HLCS: variants seen among roughly 807,000 people sequenced by gnomAD.
HLCS encodes the protein holocarboxylase synthetase, also known as biotin--protein ligase.
Under a neutral mutation model 75.0 loss-of-function variants are expected in HLCS, and 53 were observed. The ratio of observed to expected loss-of-function variants is 0.71; its 90% CI spans 0.57 to 0.89. The LOEUF (loss-of-function observed/expected upper bound fraction) is 0.89. Ranked by LOEUF, HLCS falls within the 40% of genes least tolerant of loss-of-function variation. HLCS has a pLI of 0.00. For missense variants in HLCS, 966 were observed against 1,074.0 expected (o/e 0.90, Z 1.41); for synonymous variants, 431 against 428.6 (o/e 1.01, Z -0.07).
At chr21:36,896,827 C>G (rs1000058351) in intron 6 of HLCS, 33 bp downstream of exon 6, 1 of 1,612,390 alleles carries the variant, frequency 6.2e-7, no homozygotes, top group Non-Finnish European at 8.5e-7. Flanking sequence ...AACAGGACTC[C>G]TCTGAGCAGA....
intron 6 of HLCS, among the ~76,000 whole-genome samples, chr21:36,838,162 A>G (rs576498805): frequency 6.6e-6 from 1 of 152,224 alleles, no homozygotes; most frequent in African/African-American, 2.4e-5. Context: ...CTGGAGCCCA[A>G]CGCTGGGACG....
chr21:36,849,991 T>C (rs979816722), intron 6 of HLCS, among the ~76,000 whole-genome samples: 2 of 152,188 alleles, frequency 1.3e-5, no homozygotes, highest in Admixed American at 6.5e-5. Context: ...TTATACTTGA[T>C]TTTGTTCCTT....
chr21:36,925,431 C>A (rs547156029), intron 5 of HLCS, among the ~76,000 whole-genome samples: 1 of 152,228 alleles, frequency 6.6e-6, no homozygotes, highest in Non-Finnish European at 1.5e-5. Context: ...CTCCCCAGAT[C>A]CTAAGCAGAT....
intron 2 of HLCS, among the ~76,000 whole-genome samples, chr21:36,952,012 C>G (rs1186587740): frequency 6.6e-6 from 1 of 152,048 alleles, no homozygotes; most frequent in East Asian, 1.9e-4. Flanking sequence ...AGATCAAAGC[C>G]ATTTGAAATA....
At chr21:36,778,531 G>C (rs1003627480) in intron 6 of HLCS, among the ~76,000 whole-genome samples, 5 of 148,454 alleles carry the variant, frequency 3.4e-5, no homozygotes, top group Non-Finnish European at 7.5e-5. Flanking sequence ...CACCCGCCTC[G>C]GCCTCCCAAA....
chr21:36,896,607 G>A (rs967206023), intron 6 of HLCS: 2 of 539,454 alleles, frequency 3.7e-6, no homozygotes, highest in African/African-American at 1.9e-5. Context: ...AACATTCTGA[G>A]GGCCTGATTC....
At chr21:36,886,540 C>T (rs1049227083) in intron 6 of HLCS, among the ~76,000 whole-genome samples, 1 of 151,904 alleles carries the variant, frequency 6.6e-6, no homozygotes, top group African/African-American at 2.4e-5. Context: ...AGGCCATGTT[C>T]GCTCCACTCC....
intron 2 of HLCS, chr21:36,947,268 G>A (rs1021327115): frequency 3.9e-6 from 3 of 772,590 alleles, no homozygotes; most frequent in Non-Finnish European, 4.7e-6. Context: ...AGGACCGGAA[G>A]AGCCCAAAGA....
intron 8 of HLCS, among the ~76,000 whole-genome samples, chr21:36,762,556 A>G (rs2089888037): frequency 6.6e-6 from 1 of 152,162 alleles, no homozygotes. Flanking sequence ...TTGGGGTCCT[A>G]GTGAAGGCCA....
At chr21:36,963,758 A>C (rs962859740) in intron 1 of HLCS, among the ~76,000 whole-genome samples, 3 of 152,192 alleles carry the variant, frequency 2.0e-5, no homozygotes, top group Non-Finnish European at 4.4e-5. Flanking sequence ...ATCTCAAAAA[A>C]AAAGTATGTC....
chr21:36,857,628 C>T (rs573773634), intron 6 of HLCS, among the ~76,000 whole-genome samples: 1 of 152,078 alleles, frequency 6.6e-6, no homozygotes, highest in South Asian at 2.1e-4. Flanking sequence ...CTCGCTGGGG[C>T]TCCTGCTCAG....
At chr21:36,893,518 A>C (rs576732452) in intron 6 of HLCS, among the ~76,000 whole-genome samples, 57 of 152,278 alleles carry the variant, frequency 3.7e-4, no homozygotes, top group African/African-American at 1.3e-3. Context: ...AACAGTCCCC[A>C]ACCTTTTTGG....
At chr21:36,812,565 G>A (rs538971511) in intron 6 of HLCS, among the ~76,000 whole-genome samples, 1 of 152,106 alleles carries the variant, frequency 6.6e-6, no homozygotes, top group South Asian at 2.1e-4. Flanking sequence ...TCATTATTTT[G>A]ACTTAGTTTG....
chr21:36,902,611 C>T (rs75903418), intron 5 of HLCS, among the ~76,000 whole-genome samples: 1,585 of 152,282 alleles, frequency 0.01, 33 homozygotes, highest in African/African-American at 0.036. Flanking sequence ...ATGATTGCTT[C>T]TATGTTCTCA....
At chr21:36,855,657 A>G (rs892510438) in intron 6 of HLCS, among the ~76,000 whole-genome samples, 1 of 151,616 alleles carries the variant, frequency 6.6e-6, no homozygotes, top group Non-Finnish European at 1.5e-5. Context: ...GCTAACTGCA[A>G]CCTCTGCCTC....
intron 9 of HLCS, chr21:36,759,023 G>A (rs2089721189): frequency 2.2e-6 from 1 of 452,270 alleles, no homozygotes; most frequent in Non-Finnish European, 4.5e-6. Flanking sequence ...TTAAGGGTAT[G>A]AAGTAGCTTG....
Position 36,765,116 on chromosome 21 carries a change from TG to T in HLCS, c.2016del (p.Ile673SerfsTer5). 1 of 1,614,098 alleles carries T rather than the reference TG, an allele frequency of 6.2e-7. No individual in the cohort carries two copies. The highest frequency in any genetic ancestry group is 8.5e-7 in the Non-Finnish European group (1 of 1,179,982). ...SPVGCALSTL[L>X]ISIPLRSQLG... ...AGCTGGGATCTCAGTGGAATGGAGA[TG>T]AGCAGAGTAGAAAGAGCACATCCCA... On this transcript the variant is annotated frameshift_variant, in exon 8 of 11. Coordinates refer to ENST00000674895, the MANE Select transcript of HLCS (RefSeq NM_001352514.2). LOFTEE classifies it high-confidence loss of function.
rs566960586 is a variant in HLCS at position 36,958,603 on chromosome 21, A to G, written c.330+3433T>C. The stretch of plus-strand genomic sequence containing the variant: ...CAGGAGTTCGAGACCAGCCTGGGCA[A>G]CACGGTGAAACCCGGTCTCTGCTAA... On this transcript the variant is annotated intron_variant, in intron 2 of 10. Transcript: ENST00000674895. 2.6e-5 allele frequency among the ~76,000 whole-genome samples: 4 copies of G among 152,234 alleles called. No individual in the cohort carries two copies. In the East Asian group the frequency reaches 7.8e-4, roughly 30 times the overall value.
chr21:36,952,218 C>A (rs146293522), intron 2 of HLCS, among the ~76,000 whole-genome samples: 5 of 152,100 alleles, frequency 3.3e-5, no homozygotes, highest in Non-Finnish European at 7.4e-5. Context: ...TAAGAACCCC[C>A]CAAAATGCAA....
Sources: allele counts gnomAD v4.1 joint callset (sites outside exome capture counted in the v4.1 genomes callset), GRCh38; gene constraint gnomAD v4.1.1; transcripts MANE v1.5; gene names NCBI Gene and HGNC (gene_info 2026-07-23, HGNC 2026-07-21).